The following DAB2IP variants were observed in gnomAD, a reference collection of about 807,000 sequenced individuals.
The protein encoded by DAB2IP is DAB2 interacting protein, also known as disabled homolog 2-interacting protein.
In DAB2IP, 28 loss-of-function variants were observed where a neutral mutation model predicts 107.2. The ratio of observed to expected loss-of-function variants is 0.26; its 90% CI spans 0.19 to 0.36. The LOEUF is 0.36. Among genes scored for constraint, DAB2IP ranks in the 10% least tolerant of loss-of-function variants. The pLI is 1.00. For missense variants in DAB2IP, 1,400 were observed against 1,644.7 expected, an observed-to-expected ratio of 0.85 and a Z score of 2.57; for synonymous variants, 755 against 706.4, an observed-to-expected ratio of 1.07 and a Z score of -1.09.
At chr9:121,770,067 G>T (rs1834591953) in intron 10 of DAB2IP, among the ~76,000 whole-genome samples, 1 of 152,204 alleles carries the variant, frequency 6.6e-6, no homozygotes, top group Non-Finnish European at 1.5e-5. Flanking sequence ...ACTGCCTTCT[G>T]CCTGACCAGC....
chr9:121,598,998 T>C (rs1830598926), intron 1 of DAB2IP, among the ~76,000 whole-genome samples: 1 of 152,170 alleles, frequency 6.6e-6, no homozygotes, highest in Non-Finnish European at 1.5e-5. Flanking sequence ...GTGGGAGTGC[T>C]GGGGTGCCTT....
rs7039644 is a variant in DAB2IP, at chr9:121,626,667, G to A, written c.41-52011G>A. Among the ~76,000 whole-genome samples the A allele has an allele frequency of 2.6e-3, 402 of 151,814 alleles. 1 individual carries two copies. The highest frequency in any genetic ancestry group is 9.3e-3 in the African/African-American group (383 of 41,354). ...TCAAACTCCTGATCTCAGGTGATCC[G>A]CCTGCCTCAGCCTCCCAAAGTGCTG... is the stretch of plus-strand genomic sequence containing the variant. On this transcript the variant is annotated intron_variant, in intron 1 of 16. Coordinates refer to the DAB2IP transcript ENST00000259371.
intron 1 of DAB2IP, among the ~76,000 whole-genome samples, chr9:121,604,309 C>T (rs919430503): frequency 6.6e-6 from 1 of 152,200 alleles, no homozygotes; most frequent in Non-Finnish European, 1.5e-5. Context: ...CTCCCTGGGG[C>T]GAGCAGCTGG....
In DAB2IP at chr9:121,662,970, C is replaced by T. The variant is rs34251673; in HGVS notation, c.124+11071C>T. Among the ~76,000 whole-genome samples, 27,699 of 152,010 alleles carry T rather than the reference C, an allele frequency of 0.18. 3,309 individuals carry two copies. Among genetic ancestry groups the T allele is most frequent in the Non-Finnish European group, 0.26 (17,524 of 67,956 alleles). ...GAAAAAATGGGGAAAGTGACACTGC[C>T]GACTCAAATTACTAGAAATCCTCAG... is the stretch of plus-strand genomic sequence containing the variant. On this transcript the variant is annotated intron_variant, in intron 1 of 15. Transcript: ENST00000408936. This position sits in a 1 kb window ranked among gnomAD's most constrained non-coding sequence, Gnocchi z 4.6.
intron 10 of DAB2IP, among the ~76,000 whole-genome samples, chr9:121,769,080 C>T (rs1834506962): frequency 6.6e-6 from 1 of 152,222 alleles, no homozygotes; most frequent in Non-Finnish European, 1.5e-5. Context: ...GACACTGCTG[C>T]AGTCACCTGA....
chr9:121,613,900 C>G (rs1831175853), intron 1 of DAB2IP, among the ~76,000 whole-genome samples: 1 of 152,182 alleles, frequency 6.6e-6, no homozygotes, highest in Non-Finnish European at 1.5e-5. Flanking sequence ...GGCAAGAAAT[C>G]AGTGGCTCTT....
At chr9:121,764,029 G>T in intron 8 of DAB2IP, 150 bp downstream of exon 8, 1 of 1,114,880 alleles carries the variant, frequency 9.0e-7, no homozygotes, top group Non-Finnish European at 1.3e-6. Flanking sequence ...GCTCTCAGGT[G>T]GGGCAGCGTT....
chr9:121,630,467 G>A (rs1163096880), intron 1 of DAB2IP, among the ~76,000 whole-genome samples: 1 of 151,644 alleles, frequency 6.6e-6, no homozygotes, highest in Non-Finnish European at 1.5e-5. Flanking sequence ...AGAGGTTGTA[G>A]TGAGCCAAGA....
intron 3 of DAB2IP, among the ~76,000 whole-genome samples, chr9:121,717,341 C>A (rs1830661710): frequency 1.3e-5 from 2 of 152,210 alleles, no homozygotes; most frequent in Non-Finnish European, 2.9e-5. Context: ...TTTTATCCAG[C>A]TAGCTAAAAG....
intron 1 of DAB2IP, among the ~76,000 whole-genome samples, chr9:121,655,903 G>T (rs1045152046): frequency 2.0e-5 from 3 of 152,028 alleles, no homozygotes; most frequent in Admixed American, 6.5e-5. Context: ...TATCTTGCCC[G>T]CGTGGTGGGA....
chr9:121,675,233 A>T (rs972228707), intron 1 of DAB2IP, among the ~76,000 whole-genome samples: 2 of 152,118 alleles, frequency 1.3e-5, no homozygotes, highest in Non-Finnish European at 2.9e-5. Flanking sequence ...TCAAAGGATG[A>T]CAGTTCCCGC....
At chr9:121,584,901 A>G (rs561273923) in intron 1 of DAB2IP, among the ~76,000 whole-genome samples, 1 of 152,150 alleles carries the variant, frequency 6.6e-6, no homozygotes, top group South Asian at 2.1e-4. Flanking sequence ...ATTTATTTTT[A>G]CTTACTTTTA....
chr9:121,605,241 G>A (rs548441470), intron 1 of DAB2IP, among the ~76,000 whole-genome samples: 2 of 152,046 alleles, frequency 1.3e-5, no homozygotes, highest in Admixed American at 6.5e-5. Context: ...AGCTGGTCTC[G>A]AACTCCTGAG....
intron 1 of DAB2IP, among the ~76,000 whole-genome samples, chr9:121,592,686 G>T (rs751630075): frequency 7.9e-5 from 12 of 152,228 alleles, no homozygotes; most frequent in Non-Finnish European, 5.9e-5. Flanking sequence ...TTGCTATCCT[G>T]TGTGTTGCCT....
chr9:121,760,978 G>GC lies in DAB2IP; in HGVS notation c.1170+543dup, dbSNP rs1833843083. Among the ~76,000 whole-genome samples the GC allele has an allele frequency of 1.3e-5, 2 of 152,214 alleles. No homozygotes were observed. Among genetic ancestry groups the GC allele is most frequent in the Non-Finnish European group, 2.9e-5 (2 of 68,042 alleles). Reference sequence around the variant, plus strand: ...AATTGTACTATTCGAGGGTTAGCCAGCCCCACCCCAGAGCCTCACAGAAGC... The same window carrying GC: ...AATTGTACTATTCGAGGGTTAGCCAGCCCCCACCCCAGAGCCTCACAGAAGC... On this transcript the variant is annotated intron_variant, in intron 6 of 15. Coordinates refer to ENST00000408936, the Ensembl canonical transcript of DAB2IP. The surrounding 1 kb of genome is among the most constrained non-coding windows in gnomAD (Gnocchi z 5.9).
intron 3 of DAB2IP, chr9:121,751,129 G>T (rs1833085686): frequency 4.3e-6 from 1 of 233,728 alleles, no homozygotes; most frequent in South Asian, 4.5e-5. Flanking sequence ...GGCTGCTGTG[G>T]ACCTTTCCCT....
At chr9:121,686,891 A>G (rs963884072) in intron 2 of DAB2IP, among the ~76,000 whole-genome samples, 1 of 152,148 alleles carries the variant, frequency 6.6e-6, no homozygotes, top group African/African-American at 2.4e-5. Flanking sequence ...CACGGCCCCA[A>G]AGCAACATCA....
chr9:121,711,071 A>G (rs79327160), intron 3 of DAB2IP, among the ~76,000 whole-genome samples: 1 of 152,192 alleles, frequency 6.6e-6, no homozygotes, highest in Admixed American at 6.5e-5. Context: ...TTAAGGAAAA[A>G]TGGAGCTGGC....
At chr9:121,615,848 A>G (rs1440287257) in intron 1 of DAB2IP, among the ~76,000 whole-genome samples, 3 of 151,160 alleles carry the variant, frequency 2.0e-5, no homozygotes, top group Admixed American at 1.3e-4. Context: ...CTGGTCTCGA[A>G]CTCCTGGTCT....
Sources: gnomAD v4.1 joint callset for allele counts (sites outside exome capture counted in the v4.1 genomes callset) on GRCh38, gnomAD v4.1.1 for gene constraint, Gnocchi (gnomAD v3.1) non-coding constraint, MANE v1.5 for transcripts, NCBI Gene and HGNC (gene_info 2026-07-23, HGNC 2026-07-21) for gene names.